Variants in TRAF2 observed in about 807,000 individuals in gnomAD.
TRAF2 encodes TNF receptor-associated factor 2.
In TRAF2, 6 loss-of-function variants were observed where a neutral mutation model predicts 55.6. The ratio of observed to expected loss-of-function variants is 0.11; its 90% confidence interval spans 0.06 to 0.21. TRAF2 has a LOEUF of 0.21. Ranked by LOEUF, TRAF2 falls within the 10% of genes least tolerant of loss-of-function variation. The probability of loss-of-function intolerance (pLI) is 1.00; values close to 1 mark genes in which losing one functional copy is unlikely to be tolerated. For synonymous variants in TRAF2, 329 were observed against 276.3 expected (o/e 1.19, Z -1.89); for missense variants, 561 against 684.5 (o/e 0.82, Z 2.01).
chr9:136,906,699 C>G (rs1849961436), intron 4 of TRAF2, among the ~76,000 whole-genome samples: 2 of 152,160 alleles, frequency 1.3e-5, no homozygotes, highest in African/African-American at 4.8e-5. Context: ...CCTCACCAGC[C>G]CCTTATGGAG....
chr9:136,918,720 C>T (rs556165454), intron 7 of TRAF2, among the ~76,000 whole-genome samples: 87 of 151,700 alleles, frequency 5.7e-4, no homozygotes, highest in African/African-American at 2.1e-3. Flanking sequence ...CTTTTTATTT[C>T]TTATTTTATT....
intron 4 of TRAF2, among the ~76,000 whole-genome samples, chr9:136,904,323 TCTC>T (rs1409826880): frequency 6.6e-6 from 1 of 152,082 alleles, no homozygotes; most frequent in Non-Finnish European, 1.5e-5. Context: ...CCCACCTTGG[TCTC>T]CTAAAGTGCT....
At chr9:136,909,826 C>T in intron 5 of TRAF2, 94 bp from the exon 6 acceptor site, 1 of 1,334,886 alleles carries the variant, frequency 7.5e-7, no homozygotes, top group Non-Finnish European at 1.1e-6. Flanking sequence ...TCCTGCGGCC[C>T]CTCGGCGCTG....
upstream of TRAF2, chr9:136,886,243 G>A (rs927077127): frequency 3.9e-5 from 10 of 257,390 alleles, no homozygotes; most frequent in Non-Finnish European, 3.0e-5. Flanking sequence ...CCAACGCCCC[G>A]GCGCGCTCTT....
At chr9:136,900,903 A>AG (rs1849805704) in intron 4 of TRAF2, among the ~76,000 whole-genome samples, 1 of 152,132 alleles carries the variant, frequency 6.6e-6, no homozygotes. Context: ...CTGGGAATGA[A>AG]GGGGAGATCG....
chr9:136,921,696 C>T (rs1588444802), intron 9 of TRAF2, among the ~76,000 whole-genome samples: 1 of 146,726 alleles, frequency 6.8e-6, no homozygotes, highest in African/African-American at 2.5e-5. Flanking sequence ...ACTCCCCCAC[C>T]TTTTTTTTTT....
At chr9:136,898,465 T>G in intron 1 of TRAF2, 2 of 458,242 alleles carry the variant, frequency 4.4e-6, no homozygotes, top group Non-Finnish European at 5.7e-6. Flanking sequence ...TGTGGGTTGG[T>G]TGTGTGGATG....
chr9:136,902,991 C>CAG (rs10655328), intron 4 of TRAF2, among the ~76,000 whole-genome samples: 118,427 of 151,886 alleles, frequency 0.78, 46,629 homozygotes, highest in African/African-American at 0.89. Flanking sequence ...TTTTTTGAGA[C>CAG]GGTCTTGCTC....
At chr9:136,888,603 C>T (rs1004944433) in intron 1 of TRAF2, among the ~76,000 whole-genome samples, 1 of 152,148 alleles carries the variant, frequency 6.6e-6, no homozygotes, top group African/African-American at 2.4e-5. Flanking sequence ...GCGTTTGCGG[C>T]GACTAGGTGA....
intron 1 of TRAF2, among the ~76,000 whole-genome samples, chr9:136,894,610 G>A (rs1849644608): frequency 6.6e-6 from 1 of 152,058 alleles, no homozygotes; most frequent in Non-Finnish European, 1.5e-5. Context: ...GATGGAGGGG[G>A]ACAAGGCCAG....
intron 4 of TRAF2, among the ~76,000 whole-genome samples, chr9:136,902,744 T>C (rs1849851138): frequency 6.6e-6 from 1 of 152,214 alleles, no homozygotes; most frequent in South Asian, 2.1e-4. Context: ...TCAACCCGTC[T>C]ATACAGTTGG....
At chr9:136,911,841 T>G (rs1299621059) in intron 6 of TRAF2, among the ~76,000 whole-genome samples, 2 of 116,364 alleles carry the variant, frequency 1.7e-5, no homozygotes, top group South Asian at 6.0e-4. Flanking sequence ...GATTTTCTCT[T>G]ATCTCTTTTT....
intron 1 of TRAF2, 110 bp from the exon 2 acceptor site, chr9:136,898,603 A>G: frequency 6.7e-7 from 1 of 1,495,668 alleles, no homozygotes; most frequent in African/African-American, 1.4e-5. Flanking sequence ...ACCGCAGGTC[A>G]GTGGGGACCC....
intron 6 of TRAF2, among the ~76,000 whole-genome samples, chr9:136,912,709 C>T (rs759320798): frequency 3.0e-4 from 44 of 148,914 alleles, no homozygotes; most frequent in Non-Finnish European, 5.6e-4. Context: ...TGGTGGTGCA[C>T]ACCTGTAGTC....
chr9:136,889,326 C>T (rs1275297426), intron 1 of TRAF2, among the ~76,000 whole-genome samples: 1 of 151,352 alleles, frequency 6.6e-6, no homozygotes, highest in Non-Finnish European at 1.5e-5. Flanking sequence ...TCTTGTTGCC[C>T]AGGCTGGAGT....
In TRAF2 at chr9:136,899,633, C is replaced by T. The variant is rs1167295428; in HGVS notation, c.228C>T (p.Gly76=). The change falls in exon 3 of 11, where the codon GGC becomes GGT. Residue 76 remains glycine (G), a synonymous_variant. Transcript: ENST00000247668. Reference sequence around the variant, plus strand: ...ACTGTGCTGCCTGTGTTCACGAGGGCATATATGAAGAAGGCATTTCTATTT... The same window carrying T: ...ACTGTGCTGCCTGTGTTCACGAGGGTATATATGAAGAAGGCATTTCTATTT... ...PQNCAACVHE[G]IYEEGISILE... is the part of the protein sequence containing the mutation. The T allele has an allele frequency of 1.2e-6, 2 of 1,613,206 alleles. No individual in the cohort carries two copies. Among genetic ancestry groups the T allele is most frequent in the Non-Finnish European group, 1.7e-6 (2 of 1,179,360 alleles).
chr9:136,908,054 C>T lies in TRAF2; in HGVS notation c.367-16C>T, dbSNP rs1380029126. On this transcript the variant is annotated splice_polypyrimidine_tract_variant and intron_variant, in intron 4 of 10. Transcript: ENST00000247668. Reference sequence around the variant, plus strand: ...CCCACGCGAGTTCTACTGACGCTTCCTCCTTTCGTTGCTAGAGCTGCCACG... The same window carrying T: ...CCCACGCGAGTTCTACTGACGCTTCTTCCTTTCGTTGCTAGAGCTGCCACG... The T allele has an allele frequency of 1.2e-5, 19 of 1,594,482 alleles. No homozygotes were observed. The highest frequency in any genetic ancestry group is 1.6e-5 in the Non-Finnish European group (19 of 1,175,180).
rs368364046 is a variant in TRAF2 at position 136,895,950 on chromosome 9, C to T, written c.-28-2763C>T. On this transcript the variant is annotated intron_variant, in intron 1 of 10. Coordinates refer to ENST00000247668, the MANE Select transcript of TRAF2 (RefSeq NM_021138.4). ...CCTCTTGGGAGGGGACTCTGGAGGC[C>T]GCCCTCCACCCTTAGGCCAGGGCCT... is the stretch of plus-strand genomic sequence containing the variant. Among the ~76,000 whole-genome samples, 357 of 152,182 alleles carry T rather than the reference C, an allele frequency of 2.3e-3. 2 individuals are homozygous for T. Among genetic ancestry groups the T allele is most frequent in the African/African-American group, 8.2e-3 (341 of 41,530 alleles).
At chr9:136,910,977 C>T (rs996274783) in intron 6 of TRAF2, among the ~76,000 whole-genome samples, 4 of 152,216 alleles carry the variant, frequency 2.6e-5, no homozygotes, top group African/African-American at 7.2e-5. Flanking sequence ...GAGGCCAGGA[C>T]GCCTGCCTGG....
Sources: allele counts gnomAD v4.1 joint callset (sites outside exome capture counted in the v4.1 genomes callset), GRCh38; gene constraint gnomAD v4.1.1; transcripts MANE v1.5; gene names NCBI Gene and HGNC (gene_info 2026-07-23, HGNC 2026-07-21).